Variants in GSTA1 observed in about 807,000 individuals in gnomAD.
GSTA1 encodes the protein glutathione S-transferase alpha 1.
In GSTA1, 23 loss-of-function variants were observed where a neutral mutation model predicts 21.5. The ratio of observed to expected loss-of-function variants is 1.07; its 90% CI spans 0.77 to 1.52. The LOEUF (loss-of-function observed/expected upper bound fraction) is 1.52, where lower values mean the gene tolerates loss of function less well. GSTA1 is among the 40% of genes most tolerant of loss of function. The probability of loss-of-function intolerance (pLI) is 0.00; values close to 1 mark genes in which losing one functional copy is unlikely to be tolerated. For missense variants in GSTA1, 301 were observed against 264.2 expected, an observed-to-expected ratio of 1.14 and a Z score of -0.96; for synonymous variants, 125 against 90.0, an observed-to-expected ratio of 1.39 and a Z score of -2.20.
At chr6:52,796,371 G>T in intron 3 of GSTA1, 57 bp from the exon 4 acceptor site, 2 of 1,608,832 alleles carry the variant, frequency 1.2e-6, no homozygotes, top group Non-Finnish European at 1.7e-6. Flanking sequence ...ACCCTTTTGG[G>T]ATGAACAAAT....
chr6:52,793,075 C>T lies in GSTA1; in HGVS notation c.415-88G>A, dbSNP rs1242401219. ...TTCGGAGCCTCTCCACCCTGACTTT[C>T]CCCACCTCTGTTGCCTTACTGCATG... On this transcript the variant is annotated intron_variant, in intron 5 of 6. Coordinates refer to ENST00000334575, the MANE Select transcript of GSTA1 (RefSeq NM_145740.5). 25 of 1,588,822 alleles carry T rather than the reference C, an allele frequency of 1.6e-5. 1 individual carries two copies. Among genetic ancestry groups the T allele is most frequent in the East Asian group, 2.2e-5 (1 of 44,536 alleles).
At chr6:52,794,380 G>A (rs1763529808) in intron 4 of GSTA1, 114 bp from the exon 5 acceptor site, 1 of 1,010,696 alleles carries the variant, frequency 9.9e-7, no homozygotes, top group African/African-American at 1.6e-5. Flanking sequence ...CACCTCCAGT[G>A]GGTGCCTTTT....
In GSTA1 at chr6:52,794,233, C is replaced by T. The variant is rs765335377; in HGVS notation, c.306G>A (p.Leu102=). 2.5e-6 allele frequency: 4 copies of T among 1,613,662 alleles called. No homozygotes were observed. The highest frequency in any genetic ancestry group is 3.4e-6 in the Non-Finnish European group (4 of 1,179,590). The change falls in exon 5 of 7, where the codon TTG becomes TTA. Residue 102 remains leucine, a synonymous_variant. Coordinates refer to ENST00000334575, the MANE Select transcript of GSTA1 (RefSeq NM_145740.5). ...IDMYIEGIAD[L]GEMILLLPVC... ...CGGGCAGAAGGAGGATCATTTCACCCAAATCTGCTATACCTTCTATATACA... is the reference window on the plus strand; with the variant it reads ...CGGGCAGAAGGAGGATCATTTCACCTAAATCTGCTATACCTTCTATATACA...
intron 1 of GSTA1, among the ~76,000 whole-genome samples, chr6:52,802,046 C>A: frequency 6.6e-6 from 1 of 152,134 alleles, no homozygotes; most frequent in East Asian, 1.9e-4. Flanking sequence ...GAGAGGGGAA[C>A]ATCTAATTCC....
chr6:52,792,728 T>TTCC (rs1273838626), intron 6 of GSTA1, 128 bp downstream of exon 6: 1 of 1,600,922 alleles, frequency 6.2e-7, no homozygotes, highest in Admixed American at 1.7e-5. Context: ...GGAAGCTCAT[T>TTCC]TTGGAGACCT....
intron 1 of GSTA1, among the ~76,000 whole-genome samples, chr6:52,801,952 T>C (rs1485597813): frequency 6.6e-6 from 1 of 152,136 alleles, no homozygotes; most frequent in Admixed American, 6.5e-5. Context: ...CCTCATAACC[T>C]GGCTCTCAGC....
At chr6:52,800,747 A>G (rs1327829508) in intron 1 of GSTA1, among the ~76,000 whole-genome samples, 1 of 152,230 alleles carries the variant, frequency 6.6e-6, no homozygotes, top group Non-Finnish European at 1.5e-5. Flanking sequence ...TCCAGTGCCA[A>G]GACTTAGGAA....
intron 1 of GSTA1, among the ~76,000 whole-genome samples, chr6:52,803,024 A>G (rs1763752294): frequency 1.3e-5 from 2 of 152,038 alleles, no homozygotes; most frequent in South Asian, 4.1e-4. Flanking sequence ...AACCAGGGGG[A>G]TTTTGCTCCT....
At chr6:52,801,042 C>T (rs200272408) in intron 1 of GSTA1, among the ~76,000 whole-genome samples, 5 of 152,038 alleles carry the variant, frequency 3.3e-5, no homozygotes, top group South Asian at 2.1e-4. Flanking sequence ...CCACCACACC[C>T]GGATAATTTT....
intron 2 of GSTA1, among the ~76,000 whole-genome samples, chr6:52,798,058 C>T (rs1413512766): frequency 6.6e-6 from 1 of 152,186 alleles, no homozygotes; most frequent in African/African-American, 2.4e-5. Context: ...AAACATTTTG[C>T]CACCAAGGAG....
chr6:52,802,612 A>G (rs1340025207), intron 1 of GSTA1, among the ~76,000 whole-genome samples: 2 of 152,254 alleles, frequency 1.3e-5, no homozygotes, highest in African/African-American at 4.8e-5. Context: ...TATTTTACTG[A>G]CCAACAATCT....
At chr6:52,802,909 T>C (rs138860309) in intron 1 of GSTA1, among the ~76,000 whole-genome samples, 286 of 152,204 alleles carry the variant, frequency 1.9e-3, no homozygotes, top group African/African-American at 5.9e-3. Context: ...CACTAATCAG[T>C]CCACCTGGAT....
rs779858952 is a variant in GSTA1 at position 52,797,641 on chromosome 6, G to C, written c.88-4C>G. 1.2e-6 allele frequency: 2 copies of C among 1,604,408 alleles called. No homozygotes were observed. The highest frequency in any genetic ancestry group is 1.7e-6 in the Non-Finnish European group (2 of 1,171,760). On this transcript the variant is annotated splice_region_variant and splice_polypyrimidine_tract_variant and intron_variant, in intron 2 of 6. Coordinates refer to ENST00000334575, the MANE Select transcript of GSTA1 (RefSeq NM_145740.5). ...ATTTTATAAATTTCTCTTCAAACTG[G>C]AAGCAGAAACAGTAAATACGTTCTT...
chr6:52,802,067 CT>C (rs1561916118), intron 1 of GSTA1, among the ~76,000 whole-genome samples: 3 of 152,110 alleles, frequency 2.0e-5, no homozygotes, highest in African/African-American at 4.8e-5. Flanking sequence ...TGAGTTCCTC[CT>C]GTTAGCAACT....
intron 1 of GSTA1, among the ~76,000 whole-genome samples, chr6:52,803,528 C>A (rs1191631779): frequency 2.0e-5 from 3 of 152,050 alleles, no homozygotes; most frequent in Non-Finnish European, 2.9e-5. Context: ...TTTTTCTCTT[C>A]ATGTCATTGT....
Position 52,796,052 on chromosome 6 carries a change from A to G in GSTA1, c.272+130T>C, listed in dbSNP as rs549306667. On this transcript the variant is annotated intron_variant, in intron 4 of 6. Transcript: ENST00000334575. ...TCTCCATGGGACTCTGCAATACTGG[A>G]CCTCAGCGTACATGCCCAAGGCCCA... 10 of 1,321,040 alleles carry G rather than the reference A, an allele frequency of 7.6e-6. No individual in the cohort carries two copies. In the East Asian group the frequency reaches 2.1e-4, roughly 27 times the overall value. The allele number at this position is 1,321,040 out of a possible 1,614,324, so 81.8% of individuals were successfully genotyped here.
At chr6:52,797,688 C>T in intron 2 of GSTA1, 51 bp from the exon 3 acceptor site, 1 of 1,508,350 alleles carries the variant, frequency 6.6e-7, no homozygotes, top group Non-Finnish European at 9.2e-7. Context: ...CTATTATAGA[C>T]TGTGGCCTTG....
intron 2 of GSTA1, among the ~76,000 whole-genome samples, chr6:52,798,184 AG>A (rs1252429686): frequency 6.6e-6 from 1 of 152,158 alleles, no homozygotes; most frequent in Non-Finnish European, 1.5e-5. Context: ...CTGAAGTACG[AG>A]GCACAATAGG....
intron 1 of GSTA1, among the ~76,000 whole-genome samples, chr6:52,800,900 A>G (rs1763700263): frequency 6.6e-6 from 1 of 152,104 alleles, no homozygotes; most frequent in Non-Finnish European, 1.5e-5. Context: ...ATTAATTTTG[A>G]GATGGAGTTT....
Sources: gnomAD v4.1 joint callset for allele counts (sites outside exome capture counted in the v4.1 genomes callset) on GRCh38, gnomAD v4.1.1 for gene constraint, MANE v1.5 for transcripts, NCBI Gene and HGNC (gene_info 2026-07-23, HGNC 2026-07-21) for gene names.